The following FAM13A variants were observed in gnomAD, a reference collection of about 807,000 sequenced individuals.
The protein encoded by FAM13A is family with sequence similarity 13 member A, also known as protein FAM13A.
In FAM13A, 76 loss-of-function variants were observed where a neutral mutation model predicts 129.6. The observed-to-expected ratio is 0.59, with a 90% CI of 0.49 to 0.71. The LOEUF is 0.71. Among genes scored for constraint, FAM13A ranks in the 30% least tolerant of loss-of-function variants. The pLI is 0.00. For missense variants in FAM13A, 1,108 were observed against 1,249.3 expected, an observed-to-expected ratio of 0.89 and a Z score of 1.70; for synonymous variants, 443 against 449.9, an observed-to-expected ratio of 0.98 and a Z score of 0.20.
chr4:88,948,601 G>C (rs566038634), intron 4 of FAM13A, among the ~76,000 whole-genome samples: 185 of 151,914 alleles, frequency 1.2e-3, no homozygotes, highest in Admixed American at 2.4e-3. Context: ...CAATTCTCCC[G>C]CCTCGGCTTC....
At chr4:88,775,601 G>A (rs899300105) in intron 11 of FAM13A, among the ~76,000 whole-genome samples, 18 of 152,046 alleles carry the variant, frequency 1.2e-4, no homozygotes, top group African/African-American at 4.3e-4. Context: ...CGGCTACTTG[G>A]GAGGCTGGGG....
chr4:88,957,543 A>G (rs894778216), intron 4 of FAM13A, among the ~76,000 whole-genome samples: 1 of 152,202 alleles, frequency 6.6e-6, no homozygotes, highest in Non-Finnish European at 1.5e-5. Context: ...AGAACAGCCT[A>G]ACATAGAAAA....
chr4:88,938,107 G>C lies in FAM13A; in HGVS notation c.740C>G (p.Ala247Gly), dbSNP rs758008561. 8.7e-6 allele frequency: 14 copies of C among 1,613,204 alleles called. No individual in the cohort carries two copies. Among genetic ancestry groups the C allele is most frequent in the Middle Eastern group, 1.7e-4 (1 of 6,060 alleles). ...ENDHLRCENL[A>G]RLIIVKEVYY... Reference sequence around the variant, plus strand: ...GCTTACTTTTACTATGATAAGCCTAGCCAGGTTTTCACATCTCAGATGATC... The same window carrying C: ...GCTTACTTTTACTATGATAAGCCTACCCAGGTTTTCACATCTCAGATGATC... Residue 247 changes from alanine (A) to glycine (G), a missense_variant, in exon 5 of 24, where the codon GCT (alanine) becomes GGT (glycine). Coordinates refer to ENST00000264344, the MANE Select transcript of FAM13A (RefSeq NM_014883.4).
intron 3 of FAM13A, among the ~76,000 whole-genome samples, chr4:88,993,527 C>A (rs544937127): frequency 6.6e-6 from 1 of 152,102 alleles, no homozygotes; most frequent in Non-Finnish European, 1.5e-5. Context: ...TCTAATAAAA[C>A]GAAGATTCAA....
At chr4:88,873,594 GA>G in intron 6 of FAM13A, among the ~76,000 whole-genome samples, 1 of 152,186 alleles carries the variant, frequency 6.6e-6, no homozygotes, top group East Asian at 1.9e-4. Context: ...AACCCAGGAA[GA>G]AGTTGAATCG....
At chr4:88,778,279 A>C (rs2149599596) in intron 11 of FAM13A, among the ~76,000 whole-genome samples, 1 of 152,228 alleles carries the variant, frequency 6.6e-6, no homozygotes, top group East Asian at 1.9e-4. Context: ...TGACTCCCAA[A>C]ACGTCTATCT....
intron 7 of FAM13A, among the ~76,000 whole-genome samples, chr4:88,821,698 A>G (rs1226064191): frequency 2.0e-5 from 3 of 152,148 alleles, no homozygotes; most frequent in Non-Finnish European, 4.4e-5. Flanking sequence ...AGACTCCACA[A>G]AGTGTTTTAG....
intron 11 of FAM13A, among the ~76,000 whole-genome samples, chr4:88,771,817 C>A (rs900128860): frequency 9.2e-5 from 14 of 152,138 alleles, no homozygotes. Context: ...AACACAGATT[C>A]ACTACAACAT....
rs375776753 is a variant in FAM13A at position 88,781,148 on chromosome 4, T to C, written c.1458+17A>G. The C allele has an allele frequency of 2.1e-5, 31 of 1,504,832 alleles. No homozygotes were observed. The African/African-American group carries it at 3.7e-4, about 18-fold the overall frequency. 93.2% of individuals were successfully genotyped at this position (1,504,832 alleles called of 1,614,324 possible). ...ATATTTCCTAACAAGTAAAACTTTA[T>C]AGACGTATTCACTTACCACAAGACC... is the stretch of plus-strand genomic sequence containing the variant. On this transcript the variant is annotated intron_variant, in intron 11 of 23. Coordinates refer to ENST00000264344, the MANE Select transcript of FAM13A (RefSeq NM_014883.4).
At chr4:88,942,048 C>G (rs906540746) in intron 4 of FAM13A, among the ~76,000 whole-genome samples, 5 of 152,146 alleles carry the variant, frequency 3.3e-5, no homozygotes, top group Non-Finnish European at 7.3e-5. Flanking sequence ...TGTCAGTACT[C>G]TGCCTTCTGG....
At chr4:89,023,896 A>C (rs1429360588) in intron 2 of FAM13A, among the ~76,000 whole-genome samples, 1 of 152,214 alleles carries the variant, frequency 6.6e-6, no homozygotes, top group Non-Finnish European at 1.5e-5. Context: ...CTACTCTAAA[A>C]TTGTAGAAAG....
At position 88,732,150 on chromosome 4, in the gene FAM13A, T is replaced by G. The variant is rs1444670685; in HGVS notation, c.2695A>C (p.Met899Leu). The change falls in exon 22 of 24, where the codon ATG (methionine) becomes CTG (leucine). Residue 899 changes from methionine (M) to leucine (L), a missense_variant. Met to Leu is a conservative substitution (Grantham distance 15). Around this residue, in one of 3 missense-constraint regions of FAM13A, gnomAD observed 529 missense variants for 621.2 expected, o/e 0.85. Coordinates refer to ENST00000264344, the MANE Select transcript of FAM13A (RefSeq NM_014883.4). Reference sequence around the variant, plus strand: ...CTGAAATCGGTTTTCAGAGTGACCATGAAGTCTGGCTTCACATTGCTATCG... The same window carrying G: ...CTGAAATCGGTTTTCAGAGTGACCAGGAAGTCTGGCTTCACATTGCTATCG... ...EDDSNVKPDF[M>L]VTLKTDFSAR... 1 of 1,613,472 alleles carries G rather than the reference T, an allele frequency of 6.2e-7. No homozygotes were observed. Among genetic ancestry groups the G allele is most frequent in the African/African-American group, 1.3e-5 (1 of 74,918 alleles).
intron 2 of FAM13A, among the ~76,000 whole-genome samples, chr4:89,026,205 C>T (rs558325076): frequency 5.9e-5 from 9 of 152,282 alleles, no homozygotes; most frequent in African/African-American, 1.9e-4. Context: ...CAGCCTCACT[C>T]AAAACCAAGT....
At chr4:88,781,864 T>G (rs1233049154) in intron 10 of FAM13A, among the ~76,000 whole-genome samples, 1 of 150,604 alleles carries the variant, frequency 6.6e-6, no homozygotes, top group African/African-American at 2.4e-5. Flanking sequence ...CGGGGAGGGA[T>G]AGCATTAGGA....
intron 14 of FAM13A, among the ~76,000 whole-genome samples, chr4:88,758,548 C>G (rs1744167229): frequency 6.6e-6 from 1 of 152,048 alleles, no homozygotes; most frequent in Admixed American, 6.6e-5. Context: ...AGCATGTTTT[C>G]TTTCTTAGAT....
chr4:88,868,337 C>A (rs146898462), intron 6 of FAM13A, among the ~76,000 whole-genome samples: 1 of 152,190 alleles, frequency 6.6e-6, no homozygotes, highest in Non-Finnish European at 1.5e-5. Flanking sequence ...GATGAAGGCA[C>A]GAACCATCCA....
At chr4:88,849,256 A>T (rs1182275519) in intron 7 of FAM13A, among the ~76,000 whole-genome samples, 1 of 152,196 alleles carries the variant, frequency 6.6e-6, no homozygotes, top group Non-Finnish European at 1.5e-5. Context: ...ATAAAGATTA[A>T]CACCTGTTGA....
chr4:88,783,152 T>C (rs185905719), intron 10 of FAM13A, among the ~76,000 whole-genome samples: 1 of 152,274 alleles, frequency 6.6e-6, no homozygotes, highest in African/African-American at 2.4e-5. Context: ...CTCTTTTAGA[T>C]ATTTTTAATG....
At chr4:88,971,626 C>T (rs1423989792) in intron 4 of FAM13A, among the ~76,000 whole-genome samples, 5 of 152,132 alleles carry the variant, frequency 3.3e-5, no homozygotes, top group Non-Finnish European at 7.3e-5. Context: ...CCTGCCTTAG[C>T]CTCCCAAGTA....
Sources: gnomAD v4.1 joint callset for allele counts (sites outside exome capture counted in the v4.1 genomes callset) on GRCh38, gnomAD v4.1.1 for gene constraint, gnomAD v4.1.1 regional missense constraint, MANE v1.5 for transcripts, NCBI Gene and HGNC (gene_info 2026-07-23, HGNC 2026-07-21) for gene names.